The following ING3 variants were observed in gnomAD, a reference collection of about 807,000 sequenced individuals.
The protein encoded by ING3 is inhibitor of growth protein 3.
Under a neutral mutation model 64.8 loss-of-function variants are expected in ING3, and 6 were observed. The observed-to-expected ratio is 0.09, with a 90% confidence interval of 0.05 to 0.18. ING3 has a LOEUF of 0.18. ING3 is among the 10% of genes least tolerant of loss of function. The pLI, the probability that ING3 is intolerant of heterozygous loss-of-function variation, is 1.00. For missense variants in ING3, 310 were observed against 489.7 expected (o/e 0.63, Z 3.46); for synonymous variants, 170 against 173.7 (o/e 0.98, Z 0.17).
chr7:120,956,267 A>G, intron 4 of ING3: 4 of 1,525,936 alleles, frequency 2.6e-6, no homozygotes, highest in Non-Finnish European at 2.6e-6. Context: ...TCTTCTCCTA[A>G]AATATACACT....
chr7:120,951,125 C>A (rs376829981), intron 1 of ING3, 39 bp from the exon 2 acceptor site: 1 of 1,606,396 alleles, frequency 6.2e-7, no homozygotes, highest in Non-Finnish European at 8.5e-7. Flanking sequence ...CGTATTTCGC[C>A]GTTGGCCCCG....
At chr7:120,965,289 T>C (rs1795983024) in intron 5 of ING3, among the ~76,000 whole-genome samples, 1 of 152,228 alleles carries the variant, frequency 6.6e-6, no homozygotes, top group Non-Finnish European at 1.5e-5. Flanking sequence ...TTCATAACAC[T>C]ACCTCTTTTT....
At chr7:120,960,296 T>G (rs184574679) in intron 4 of ING3, among the ~76,000 whole-genome samples, 5 of 152,042 alleles carry the variant, frequency 3.3e-5, no homozygotes, top group Admixed American at 3.3e-4. Context: ...AGCTAATGCA[T>G]GGGGGCCTTG....
intron 10 of ING3, 114 bp from the exon 11 acceptor site, chr7:120,973,091 G>C (rs1326134020): frequency 2.2e-5 from 10 of 453,792 alleles, no homozygotes; most frequent in Non-Finnish European, 3.8e-5. Flanking sequence ...CAATGTAATT[G>C]TATATTCAGT....
chr7:120,972,395 A>G (rs1355245668), intron 10 of ING3, among the ~76,000 whole-genome samples: 1 of 152,202 alleles, frequency 6.6e-6, no homozygotes, highest in Non-Finnish European at 1.5e-5. Flanking sequence ...TAGCTGTTCC[A>G]CTATCACCCG....
intron 7 of ING3, 68 bp from the exon 8 acceptor site, chr7:120,967,866 A>G (rs1796016298): frequency 2.0e-6 from 3 of 1,491,314 alleles, no homozygotes; most frequent in South Asian, 1.2e-5. Flanking sequence ...CTGGGAAATA[A>G]TGTAATTTAG....
intron 2 of ING3, among the ~76,000 whole-genome samples, chr7:120,951,644 A>G (rs193270540): frequency 6.6e-6 from 1 of 152,324 alleles, no homozygotes; most frequent in Non-Finnish European, 1.5e-5. Flanking sequence ...GTTTTTCAAG[A>G]GTGGAAAGCA....
chr7:120,963,295 G>A (rs1335112030), intron 4 of ING3, among the ~76,000 whole-genome samples: 1 of 152,064 alleles, frequency 6.6e-6, no homozygotes, highest in African/African-American at 2.4e-5. Flanking sequence ...AGTAATGTGT[G>A]TGTAAAGGTA....
chr7:120,966,789 A>G (rs1004447214), intron 6 of ING3, 92 bp downstream of exon 6: 12 of 900,394 alleles, frequency 1.3e-5, no homozygotes, highest in Non-Finnish European at 2.2e-5. Flanking sequence ...TACACAACCA[A>G]TTGAGAAATA....
At chr7:120,955,464 A>G (rs1795831943) in intron 3 of ING3, 95 bp from the exon 4 acceptor site, 1 of 829,466 alleles carries the variant, frequency 1.2e-6, no homozygotes, top group East Asian at 2.7e-5. Context: ...TGACTGTGAT[A>G]ACAAGATATG....
intron 4 of ING3, 146 bp downstream of exon 4, chr7:120,955,770 T>G: frequency 1.6e-6 from 1 of 627,632 alleles, no homozygotes; most frequent in Non-Finnish European, 2.8e-6. Context: ...CATTTCAGTG[T>G]CCATTTTATG....
Position 120,974,881 on chromosome 7 carries a change from G to A in ING3, c.*37G>A, listed in dbSNP as rs1226316654. ...TTGTTTGATGAAGAAATAAACTTCAGCTGAAGATTTTATATAGGACTTTAA... is the reference window on the plus strand; with the variant it reads ...TTGTTTGATGAAGAAATAAACTTCAACTGAAGATTTTATATAGGACTTTAA... On this transcript the variant is annotated 3_prime_UTR_variant, in exon 12 of 12. Coordinates refer to ENST00000315870, the MANE Select transcript of ING3 (RefSeq NM_019071.3). 7 of 1,430,940 alleles carry A rather than the reference G, an allele frequency of 4.9e-6. No individual in the cohort carries two copies. The highest frequency in any genetic ancestry group is 6.8e-6 in the Non-Finnish European group (7 of 1,028,396). The allele number at this position is 1,430,940 out of a possible 1,614,324, so 88.6% of individuals were successfully genotyped here. A position where few individuals can be genotyped will look rare whatever the true frequency, so the allele number is the denominator to read the frequency against.
rs1795830871 is a variant in ING3 at position 120,955,394 on chromosome 7, G to T, written c.202-165G>T. Among the ~76,000 whole-genome samples, 7 of 152,270 alleles carry T rather than the reference G, an allele frequency of 4.6e-5. No individual in the cohort carries two copies. In the South Asian group the frequency reaches 1.4e-3, roughly 32 times the overall value. On this transcript the variant is annotated intron_variant, in intron 3 of 11. Transcript: ENST00000315870. ...TCCGTCCTCCTTGGCCTCCAAAAGG[G>T]ATTACAGGCGTGAGCCACTGCCCCT...
At chr7:120,959,414 T>A (rs1795898721) in intron 4 of ING3, among the ~76,000 whole-genome samples, 1 of 152,158 alleles carries the variant, frequency 6.6e-6, no homozygotes, top group Admixed American at 6.5e-5. Flanking sequence ...CCAAGCTGTT[T>A]CTTTGAGTCT....
rs765433427 is a variant in ING3, at chr7:120,970,739, T to C, written c.960T>C (p.Ser320=). 1.9e-6 allele frequency: 3 copies of C among 1,613,108 alleles called. No homozygotes were observed. Among genetic ancestry groups the C allele is most frequent in the Admixed American group, 3.3e-5 (2 of 60,022 alleles). The change falls in exon 10 of 12, where the codon TCT becomes TCC. Residue 320 remains serine (S), a synonymous_variant. Coordinates refer to ENST00000315870, the MANE Select transcript of ING3 (RefSeq NM_019071.3). ...SQQSSSSSSS[S]SLSSCSSSST... is the part of the protein sequence containing the mutation. ...AGTCATCATCTTCCTCCTCCTCTTC[T>C]TCCTTATCATCGTGTTCTTCATCAT...
At chr7:120,952,387 G>A (rs1049734169) in intron 2 of ING3, among the ~76,000 whole-genome samples, 8 of 152,224 alleles carry the variant, frequency 5.3e-5, no homozygotes, top group African/African-American at 1.4e-4. Flanking sequence ...AGAATTTCTA[G>A]TATCTGATAC....
At chr7:120,957,530 A>G (rs952587221) in intron 4 of ING3, among the ~76,000 whole-genome samples, 2 of 152,216 alleles carry the variant, frequency 1.3e-5, no homozygotes, top group African/African-American at 4.8e-5. Flanking sequence ...TGTCTACTGA[A>G]AAACATTGAA....
At chr7:120,968,765 G>T (rs1687279766) in intron 8 of ING3, among the ~76,000 whole-genome samples, 1 of 144,420 alleles carries the variant, frequency 6.9e-6, no homozygotes, top group Non-Finnish European at 1.5e-5. Context: ...AGAATTGCTT[G>T]AACCTGAGAG....
intron 5 of ING3, among the ~76,000 whole-genome samples, chr7:120,965,905 T>G (rs1008844427): frequency 2.0e-5 from 3 of 152,200 alleles, no homozygotes; most frequent in African/African-American, 7.2e-5. Context: ...TTAAAAATGC[T>G]GATGATAGCT....
Sources: allele counts gnomAD v4.1 joint callset (sites outside exome capture counted in the v4.1 genomes callset), GRCh38; gene constraint gnomAD v4.1.1; transcripts MANE v1.5; gene names NCBI Gene and HGNC (gene_info 2026-07-23, HGNC 2026-07-21).